WDR49: variants seen among roughly 807,000 people sequenced by gnomAD.
The protein encoded by WDR49 is WD repeat domain 49.
WDR49 carries 107 observed loss-of-function variants against 119.5 expected under a neutral mutation model. The ratio of observed to expected loss-of-function variants is 0.90; its 90% CI spans 0.77 to 1.05. The LOEUF (loss-of-function observed/expected upper bound fraction) is 1.05. Among genes scored for constraint, WDR49 ranks in the 50% least tolerant of loss-of-function variants. WDR49 has a pLI of 0.00. For missense variants in WDR49, 1,240 were observed against 1,220.5 expected (o/e 1.02, Z -0.24); for synonymous variants, 425 against 418.8 (o/e 1.01, Z -0.18).
At chr3:167,595,299 T>C (rs1715357642) in intron 7 of WDR49, among the ~76,000 whole-genome samples, 1 of 152,192 alleles carries the variant, frequency 6.6e-6, no homozygotes, top group Non-Finnish European at 1.5e-5. Flanking sequence ...CTGCCCAAGA[T>C]AATTTACAGA....
intron 7 of WDR49, among the ~76,000 whole-genome samples, chr3:167,588,259 C>T (rs1036054947): frequency 6.6e-6 from 1 of 152,124 alleles, no homozygotes; most frequent in Non-Finnish European, 1.5e-5. Context: ...CAGTTCCAAC[C>T]ATGTTATTGC....
Position 167,505,420 on chromosome 3 carries a change from G to C in WDR49, c.2775-4C>G. 1 of 1,509,946 alleles carries C rather than the reference G, an allele frequency of 6.6e-7. No individual in the cohort carries two copies. The allele number at this position is 1,509,946 out of a possible 1,614,324, so 93.5% of individuals were successfully genotyped here. A position where few individuals can be genotyped will look rare whatever the true frequency, so the allele number is the denominator to read the frequency against. ...TATATCTTCTGATGGTCTGACACTG[G>C]AAGAAAATATTTCATGATGAAATAC... is the stretch of plus-strand genomic sequence containing the variant. On this transcript the variant is annotated splice_polypyrimidine_tract_variant and splice_region_variant and intron_variant, in intron 16 of 18. Coordinates refer to ENST00000682715, the MANE Select transcript of WDR49 (RefSeq NM_001366157.1).
intron 2 of WDR49, among the ~76,000 whole-genome samples, chr3:167,652,382 A>G (rs1012113099): frequency 6.6e-6 from 1 of 152,142 alleles, no homozygotes; most frequent in African/African-American, 2.4e-5. Flanking sequence ...GTATTCCAAA[A>G]TATTTTCTAT....
At chr3:167,526,718 A>G (rs1279578130) in intron 15 of WDR49, among the ~76,000 whole-genome samples, 2 of 152,134 alleles carry the variant, frequency 1.3e-5, no homozygotes, top group Non-Finnish European at 2.9e-5. Flanking sequence ...TGATTTACCA[A>G]CACCCTCTGC....
intron 18 of WDR49, among the ~76,000 whole-genome samples, chr3:167,483,705 A>G (rs537952574): frequency 6.6e-6 from 1 of 152,114 alleles, no homozygotes; most frequent in Non-Finnish European, 1.5e-5. Flanking sequence ...TTCTCCTGAG[A>G]TCTCTTTTTA....
chr3:167,635,779 A>G (rs1559926958), intron 2 of WDR49, among the ~76,000 whole-genome samples: 5 of 151,642 alleles, frequency 3.3e-5, no homozygotes. Context: ...GTTGTAAGCC[A>G]CTGGGAGAAA....
At chr3:167,511,193 G>A (rs969064339) in intron 16 of WDR49, among the ~76,000 whole-genome samples, 14 of 152,066 alleles carry the variant, frequency 9.2e-5, no homozygotes, top group African/African-American at 3.4e-4. Flanking sequence ...CAATTCTGAG[G>A]ATATGTTTTT....
intron 2 of WDR49, among the ~76,000 whole-genome samples, chr3:167,627,717 T>G (rs545262381): frequency 6.6e-6 from 1 of 152,228 alleles, no homozygotes; most frequent in Admixed American, 6.5e-5. Context: ...ATTTGGGGCT[T>G]CTGAACTCCA....
intron 7 of WDR49, among the ~76,000 whole-genome samples, chr3:167,586,985 CTTAT>C (rs1302618526): frequency 1.3e-5 from 2 of 151,958 alleles, no homozygotes; most frequent in Non-Finnish European, 2.9e-5. Flanking sequence ...TAAAGATTCT[CTTAT>C]TTAACTACAA....
intron 9 of WDR49, among the ~76,000 whole-genome samples, chr3:167,558,134 G>T (rs949831489): frequency 2.0e-5 from 3 of 152,110 alleles, no homozygotes; most frequent in Non-Finnish European, 4.4e-5. Context: ...ACAAACAAAT[G>T]GTGTTTGTGG....
At chr3:167,561,420 C>A (rs1457332955) in intron 8 of WDR49, among the ~76,000 whole-genome samples, 2 of 152,042 alleles carry the variant, frequency 1.3e-5, no homozygotes, top group Non-Finnish European at 2.9e-5. Flanking sequence ...GGAAATGGAT[C>A]TTTAAAGAGC....
In WDR49 at chr3:167,491,803, G is replaced by C. The variant is rs543559218; in HGVS notation, c.3031+8350C>G. On this transcript the variant is annotated intron_variant, in intron 18 of 18. Transcript: ENST00000682715. ...CAAAGAGGGGTTTCAAGCTGTTTAAGAACCAACTGGGAGCAACTTGAAAGC... is the reference window on the plus strand; with the variant it reads ...CAAAGAGGGGTTTCAAGCTGTTTAACAACCAACTGGGAGCAACTTGAAAGC... Among the ~76,000 whole-genome samples, 303 of 152,188 alleles carry C rather than the reference G, an allele frequency of 2.0e-3. 1 individual carries two copies. The highest frequency in any genetic ancestry group is 7.0e-3 in the African/African-American group (291 of 41,532).
rs577743003 is a variant in WDR49, at chr3:167,612,898, G to T, written c.958+7531C>A. Among the ~76,000 whole-genome samples, 8 of 152,296 alleles carry T rather than the reference G, an allele frequency of 5.3e-5. No homozygotes were observed. In the East Asian group the frequency reaches 1.5e-3, roughly 29 times the overall value. Reference sequence around the variant, plus strand: ...GAGAGTGGAATGATAGTTACCAAAGGCTGGGAATGGTAGTGGGGGCCTAGC... The same window carrying T: ...GAGAGTGGAATGATAGTTACCAAAGTCTGGGAATGGTAGTGGGGGCCTAGC... On this transcript the variant is annotated intron_variant, in intron 5 of 18. Coordinates refer to ENST00000682715, the MANE Select transcript of WDR49 (RefSeq NM_001366157.1).
intron 7 of WDR49, among the ~76,000 whole-genome samples, chr3:167,596,651 A>C (rs1454388130): frequency 7.1e-6 from 1 of 141,470 alleles, no homozygotes; most frequent in Non-Finnish European, 1.5e-5. Context: ...ATTCTCACTC[A>C]TAGGTGGGAA....
chr3:167,636,800 A>T (rs183060165), intron 2 of WDR49, among the ~76,000 whole-genome samples: 4 of 151,476 alleles, frequency 2.6e-5, no homozygotes, highest in Admixed American at 6.6e-5. Flanking sequence ...TCTTTTGAGA[A>T]TTTTCTATTC....
chr3:167,575,814 C>T (rs1714216102), intron 8 of WDR49, 104 bp downstream of exon 8: 4 of 1,161,710 alleles, frequency 3.4e-6, no homozygotes, highest in Admixed American at 2.2e-5. Context: ...CCATATTTGC[C>T]TTTACTATAT....
intron 14 of WDR49, among the ~76,000 whole-genome samples, chr3:167,528,742 T>C (rs776489681): frequency 6.6e-6 from 1 of 151,686 alleles, no homozygotes; most frequent in Non-Finnish European, 1.5e-5. Flanking sequence ...AATACATACA[T>C]ACATTAAAAA....
At chr3:167,637,159 T>A (rs1231433994) in intron 2 of WDR49, among the ~76,000 whole-genome samples, 1 of 151,952 alleles carries the variant, frequency 6.6e-6, no homozygotes, top group Non-Finnish European at 1.5e-5. Flanking sequence ...CATCTTCAGT[T>A]GATTTTTGTA....
At chr3:167,600,531 T>C (rs901534662) in intron 7 of WDR49, among the ~76,000 whole-genome samples, 1 of 152,056 alleles carries the variant, frequency 6.6e-6, no homozygotes, top group Non-Finnish European at 1.5e-5. Context: ...TTAAATTTGG[T>C]GTTCCTATTG....
Sources: gnomAD v4.1 joint callset for allele counts (sites outside exome capture counted in the v4.1 genomes callset) on GRCh38, gnomAD v4.1.1 for gene constraint, MANE v1.5 for transcripts, NCBI Gene and HGNC (gene_info 2026-07-23, HGNC 2026-07-21) for gene names.